The following UGP2 variants were observed in gnomAD, a reference collection of about 807,000 sequenced individuals.
UGP2 encodes UDP-glucose pyrophosphorylase 2.
UGP2 carries 40 observed loss-of-function variants against 49.0 expected under a neutral mutation model. That is an observed-to-expected ratio of 0.82 (90% CI 0.63 to 1.06). The LOEUF (loss-of-function observed/expected upper bound fraction) is 1.06, where lower values mean the gene tolerates loss of function less well. UGP2 is among the 50% of genes least tolerant of loss of function. The pLI, the probability that UGP2 is intolerant of heterozygous loss-of-function variation, is 0.00. For synonymous variants in UGP2, 225 were observed against 213.0 expected (o/e 1.06, Z -0.49); for missense variants, 460 against 603.5 (o/e 0.76, Z 2.49).
At chr2:63,844,003 C>G (rs1218398705) in intron 1 of UGP2, among the ~76,000 whole-genome samples, 1 of 152,210 alleles carries the variant, frequency 6.6e-6, no homozygotes, top group African/African-American at 2.4e-5. Context: ...TCAAGCTGTC[C>G]TCCTGCGTTA....
At chr2:63,847,452 C>A (rs947822661) in intron 1 of UGP2, among the ~76,000 whole-genome samples, 2 of 152,118 alleles carry the variant, frequency 1.3e-5, no homozygotes, top group Non-Finnish European at 2.9e-5. Flanking sequence ...AAGCTTTTTG[C>A]AGAAGTATAG....
At chr2:63,842,383 G>A in intron 1 of UGP2, 179 bp downstream of exon 1, 8 of 1,597,996 alleles carry the variant, frequency 5.0e-6, no homozygotes, top group Non-Finnish European at 6.8e-6. Context: ...TTCCAGACGC[G>A]TATAATTTAT....
chr2:63,879,303 T>C (rs1173875599), intron 3 of UGP2, among the ~76,000 whole-genome samples: 4 of 152,202 alleles, frequency 2.6e-5, no homozygotes, highest in South Asian at 2.1e-4. Flanking sequence ...TTCCAACTTA[T>C]TGAATTATTT....
At chr2:63,890,246 GT>G in intron 9 of UGP2, 61 bp downstream of exon 9, 1 of 1,263,206 alleles carries the variant, frequency 7.9e-7, no homozygotes, top group East Asian at 2.4e-5. Flanking sequence ...TCATTTTCTA[GT>G]CATAAATTTA....
chr2:63,869,919 T>A (rs989917709), intron 3 of UGP2, among the ~76,000 whole-genome samples: 1 of 149,506 alleles, frequency 6.7e-6, no homozygotes, highest in Admixed American at 6.8e-5. Flanking sequence ...GTAATTAAAA[T>A]TAATTTTTTT....
In UGP2 at chr2:63,872,790, C is replaced by CAAAAAA. The variant is rs547283279; in HGVS notation, c.256-9665_256-9660dup. ...GCCAGCTATTGCATGCCAGTGCCCT[C>CAAAAAA]AAAAAAAAAAAAAAAAGATTTATGA... is the stretch of plus-strand genomic sequence containing the variant. On this transcript the variant is annotated intron_variant, in intron 3 of 9. Coordinates refer to ENST00000337130, the MANE Select transcript of UGP2 (RefSeq NM_006759.4). Among the ~76,000 whole-genome samples the CAAAAAA allele has an allele frequency of 4.4e-5, 5 of 112,580 alleles. No homozygotes were observed. In the Admixed American group the frequency reaches 4.5e-4, roughly 10 times the overall value. 73.9% of individuals were successfully genotyped at this position (112,580 alleles called of 152,430 possible). A position where few individuals can be genotyped will look rare whatever the true frequency, so the allele number is the denominator to read the frequency against.
chr2:63,877,924 C>T lies in UGP2; in HGVS notation c.256-4542C>T, dbSNP rs1671021155. Among the ~76,000 whole-genome samples, 3 of 129,766 alleles carry T rather than the reference C, an allele frequency of 2.3e-5. No individual in the cohort carries two copies. The South Asian group carries it at 7.4e-4, about 32-fold the overall frequency. 85.1% of individuals were successfully genotyped at this position (129,766 alleles called of 152,430 possible). A position where few individuals can be genotyped will look rare whatever the true frequency, so the allele number is the denominator to read the frequency against. ...AGGAGAATGGCGTGAACCCGGGAAGCGGAGCTTGCAGTGAGCCGAGATTGC... is the reference window on the plus strand; with the variant it reads ...AGGAGAATGGCGTGAACCCGGGAAGTGGAGCTTGCAGTGAGCCGAGATTGC... On this transcript the variant is annotated intron_variant, in intron 3 of 9. Coordinates refer to ENST00000337130, the MANE Select transcript of UGP2 (RefSeq NM_006759.4).
chr2:63,874,847 C>T (rs1224012696), intron 3 of UGP2, among the ~76,000 whole-genome samples: 2 of 151,854 alleles, frequency 1.3e-5, no homozygotes, highest in African/African-American at 4.8e-5. Context: ...TACAAACCAG[C>T]TCCCCTCTGC....
chr2:63,843,837 T>C (rs778123109), intron 1 of UGP2, among the ~76,000 whole-genome samples: 44 of 152,250 alleles, frequency 2.9e-4, no homozygotes, highest in Admixed American at 3.9e-4. Flanking sequence ...TGATTCACTC[T>C]AAGATACCAG....
intron 3 of UGP2, among the ~76,000 whole-genome samples, chr2:63,870,699 A>G (rs1670489353): frequency 1.3e-5 from 2 of 152,200 alleles, no homozygotes; most frequent in African/African-American, 4.8e-5. Flanking sequence ...CTTATTCACA[A>G]ATGTTTGAGT....
intron 3 of UGP2, among the ~76,000 whole-genome samples, chr2:63,876,449 T>C (rs898718737): frequency 5.3e-5 from 8 of 152,194 alleles, no homozygotes; most frequent in African/African-American, 1.9e-4. Flanking sequence ...AGTAACGTTA[T>C]CTTGACCACT....
chr2:63,885,552 G>A (rs746973301), intron 5 of UGP2, 37 bp from the exon 6 acceptor site: 2 of 1,482,286 alleles, frequency 1.3e-6, no homozygotes, highest in South Asian at 2.9e-5. Flanking sequence ...ATGCTCTACA[G>A]GGTCAATATT....
intron 3 of UGP2, among the ~76,000 whole-genome samples, chr2:63,873,879 G>C (rs1459193304): frequency 6.6e-6 from 1 of 152,146 alleles, no homozygotes; most frequent in African/African-American, 2.4e-5. Flanking sequence ...CAATTATGTG[G>C]TAATCAGAAA....
intron 1 of UGP2, among the ~76,000 whole-genome samples, chr2:63,845,438 A>G (rs1454562725): frequency 6.6e-6 from 1 of 152,134 alleles, no homozygotes; most frequent in Non-Finnish European, 1.5e-5. Context: ...TCATCAACAG[A>G]ACTAAAAGAA....
intron 1 of UGP2, among the ~76,000 whole-genome samples, chr2:63,848,291 C>T (rs1668806091): frequency 6.6e-6 from 1 of 152,106 alleles, no homozygotes; most frequent in African/African-American, 2.4e-5. Context: ...AAATTGTGGC[C>T]ATCTTGGTCT....
intron 3 of UGP2, among the ~76,000 whole-genome samples, chr2:63,867,735 A>G (rs1487064078): frequency 6.6e-6 from 1 of 152,204 alleles, no homozygotes; most frequent in South Asian, 2.1e-4. Context: ...TGAATAATTT[A>G]ATACTTTGTT....
rs200855460 is a variant in UGP2, at chr2:63,886,467, A to G, written c.1000A>G (p.Ile334Val). The G allele has an allele frequency of 3.7e-6, 6 of 1,614,158 alleles. No individual in the cohort carries two copies. In the African/African-American group the frequency reaches 8.0e-5, roughly 22 times the overall value. ...AATATTTAATACAAACAACCTATGG[A>G]TTTCTCTTGCAGCAGTTAAAAGACT... is the stretch of plus-strand genomic sequence containing the variant. Reference protein sequence around the residue: ...FKIFNTNNLWISLAAVKRLQE... With the variant: ...FKIFNTNNLWVSLAAVKRLQE... Residue 334 changes from isoleucine (I) to valine (V), a missense_variant, in exon 7 of 10, where the codon ATT becomes GTT. Physicochemically the swap from Ile to Val is conservative, Grantham distance 29. Coordinates refer to ENST00000337130, the MANE Select transcript of UGP2 (RefSeq NM_006759.4).
At position 63,861,963 on chromosome 2, in the gene UGP2, T is replaced by C. The variant is rs574926444; in HGVS notation, c.255+4027T>C. ...GGAAGTCTGAGGAAGTTACAGTTTA[T>C]GTGTGCAGAGTACAGATACATAGCA... is the stretch of plus-strand genomic sequence containing the variant. On this transcript the variant is annotated intron_variant, in intron 3 of 9. Coordinates refer to ENST00000337130, the MANE Select transcript of UGP2 (RefSeq NM_006759.4). 3.7e-4 allele frequency among the ~76,000 whole-genome samples: 56 copies of C among 152,262 alleles called. 1 individual carries two copies. The highest frequency in any genetic ancestry group is 3.6e-3 in the Admixed American group (55 of 15,292).
In UGP2 at chr2:63,891,109, C is replaced by A; in HGVS notation, c.1420-11C>A. 3 of 1,607,682 alleles carry A rather than the reference C, an allele frequency of 1.9e-6. No homozygotes were observed. Among genetic ancestry groups the A allele is most frequent in the Non-Finnish European group, 2.6e-6 (3 of 1,176,098 alleles). ...TTGCAAGTACACTCTTTTGTTTTCC[C>A]TGTCACTTAGGGAACGGTTATCATC... On this transcript the variant is annotated splice_polypyrimidine_tract_variant and intron_variant, in intron 9 of 9. Coordinates refer to ENST00000337130, the MANE Select transcript of UGP2 (RefSeq NM_006759.4).
Sources: gnomAD v4.1 joint callset for allele counts (sites outside exome capture counted in the v4.1 genomes callset) on GRCh38, gnomAD v4.1.1 for gene constraint, MANE v1.5 for transcripts, NCBI Gene and HGNC (gene_info 2026-07-23, HGNC 2026-07-21) for gene names.